NR6A1: variants seen among roughly 807,000 people sequenced by gnomAD.
NR6A1 encodes the protein nuclear receptor subfamily 6 group A member 1.
Under a neutral mutation model 59.1 loss-of-function variants are expected in NR6A1, and 7 were observed. The ratio of observed to expected loss-of-function variants is 0.12; its 90% CI spans 0.07 to 0.22. NR6A1 has a LOEUF of 0.22. Among genes scored for constraint, NR6A1 ranks in the 10% least tolerant of loss-of-function variants. NR6A1 has a pLI of 1.00. For synonymous variants in NR6A1, 243 were observed against 236.1 expected, an observed-to-expected ratio of 1.03 and a Z score of -0.27; for missense variants, 468 against 611.6, an observed-to-expected ratio of 0.77 and a Z score of 2.48.
At chr9:124,550,657 C>T (rs1337682934) in intron 3 of NR6A1, among the ~76,000 whole-genome samples, 1 of 151,904 alleles carries the variant, frequency 6.6e-6, no homozygotes, top group African/African-American at 2.4e-5. Context: ...TGTGCCCAGC[C>T]CTAATGGTGA....
chr9:124,688,436 C>T (rs1322431432), intron 2 of NR6A1, among the ~76,000 whole-genome samples: 1 of 152,134 alleles, frequency 6.6e-6, no homozygotes, highest in Non-Finnish European at 1.5e-5. Flanking sequence ...AAAGCGAAAA[C>T]GCATATAATG....
intron 2 of NR6A1, among the ~76,000 whole-genome samples, chr9:124,568,185 A>G (rs1195638804): frequency 2.0e-5 from 3 of 146,486 alleles, no homozygotes; most frequent in South Asian, 4.4e-4. Flanking sequence ...AAAAAAAAAA[A>G]AAAAAAAAAA....
intron 3 of NR6A1, among the ~76,000 whole-genome samples, chr9:124,547,760 C>T (rs927358628): frequency 3.3e-5 from 5 of 152,080 alleles, no homozygotes. Context: ...AAATACATGA[C>T]CTATTTGCTT....
chr9:124,546,187 G>A (rs1486330158), intron 3 of NR6A1, among the ~76,000 whole-genome samples: 1 of 152,192 alleles, frequency 6.6e-6, no homozygotes, highest in South Asian at 2.1e-4. Flanking sequence ...AATCTACTAT[G>A]TGTTACATAC....
At chr9:124,533,774 C>T (rs1412144843) in intron 7 of NR6A1, among the ~76,000 whole-genome samples, 1 of 152,054 alleles carries the variant, frequency 6.6e-6, no homozygotes. Flanking sequence ...TCTCAGCCTC[C>T]CAAGCAGCTG....
intron 2 of NR6A1, among the ~76,000 whole-genome samples, chr9:124,576,381 G>A (rs568754335): frequency 6.6e-4 from 101 of 152,196 alleles, no homozygotes; most frequent in African/African-American, 2.1e-3. Flanking sequence ...TCCACCTCCC[G>A]GGTTCAAGCG....
At chr9:124,731,042 TCTCAATGTC>T (rs1466422900) in intron 2 of NR6A1, among the ~76,000 whole-genome samples, 1 of 152,124 alleles carries the variant, frequency 6.6e-6, no homozygotes, top group Admixed American at 6.6e-5. Flanking sequence ...TTACAGGGCA[TCTCAATGTC>T]CTTCCTAGTG....
At chr9:124,751,512 A>G (rs975425689) in intron 1 of NR6A1, among the ~76,000 whole-genome samples, 3 of 152,200 alleles carry the variant, frequency 2.0e-5, no homozygotes, top group African/African-American at 7.2e-5. Context: ...CCTTACCCTG[A>G]GCTAAGCTCT....
intron 2 of NR6A1, among the ~76,000 whole-genome samples, chr9:124,627,532 T>C (rs1836281090): frequency 6.6e-6 from 1 of 152,186 alleles, no homozygotes. Context: ...TAGCAAAAGT[T>C]TGGATGTAAA....
chr9:124,691,917 T>G (rs772534807), intron 2 of NR6A1, among the ~76,000 whole-genome samples: 17 of 152,324 alleles, frequency 1.1e-4, no homozygotes, highest in Admixed American at 6.5e-4. Flanking sequence ...TCTGCAGTGA[T>G]GGGTCTACTC....
chr9:124,599,592 G>A (rs1273157658), intron 2 of NR6A1: 26 of 1,159,976 alleles, frequency 2.2e-5, no homozygotes, highest in Non-Finnish European at 2.9e-5. Context: ...AGGGCGCGGC[G>A]GCGGCGGCCG....
intron 2 of NR6A1, among the ~76,000 whole-genome samples, chr9:124,729,860 TGGAG>T: frequency 6.6e-6 from 1 of 151,812 alleles, no homozygotes; most frequent in Non-Finnish European, 1.5e-5. Flanking sequence ...TTGCCCAGGC[TGGAG>T]TGCAATGGCA....
intron 2 of NR6A1, among the ~76,000 whole-genome samples, chr9:124,702,209 G>C (rs1330158487): frequency 1.3e-5 from 2 of 152,302 alleles, no homozygotes; most frequent in African/African-American, 4.8e-5. Context: ...AGGTCACAAA[G>C]ATATGCTTGA....
intron 2 of NR6A1, among the ~76,000 whole-genome samples, chr9:124,580,091 A>T (rs1281422989): frequency 6.6e-6 from 1 of 152,224 alleles, no homozygotes; most frequent in Non-Finnish European, 1.5e-5. Flanking sequence ...ACACAGAAAA[A>T]TGAAAAATTA....
At chr9:124,706,042 C>T (rs1195452953) in intron 2 of NR6A1, among the ~76,000 whole-genome samples, 1 of 152,216 alleles carries the variant, frequency 6.6e-6, no homozygotes, top group African/African-American at 2.4e-5. Context: ...TCCCAAAGTG[C>T]CGGGATTACA....
intron 3 of NR6A1, among the ~76,000 whole-genome samples, chr9:124,549,555 T>A (rs1334610120): frequency 6.6e-6 from 1 of 152,202 alleles, no homozygotes; most frequent in Non-Finnish European, 1.5e-5. Context: ...GCTAAGGAGT[T>A]TTCTGACCAG....
chr9:124,610,028 T>G (rs1006768495), intron 2 of NR6A1, among the ~76,000 whole-genome samples: 1 of 151,948 alleles, frequency 6.6e-6, no homozygotes, highest in Non-Finnish European at 1.5e-5. Flanking sequence ...GGGTTTTTTA[T>G]AGGATCATGT....
chr9:124,631,197 A>G (rs1000444009), intron 2 of NR6A1, among the ~76,000 whole-genome samples: 1 of 152,230 alleles, frequency 6.6e-6, no homozygotes, highest in African/African-American at 2.4e-5. Context: ...TCCCATGACC[A>G]GCGAGAGGGA....
intron 2 of NR6A1, among the ~76,000 whole-genome samples, chr9:124,708,606 T>C (rs1286447422): frequency 6.6e-6 from 1 of 152,168 alleles, no homozygotes; most frequent in African/African-American, 2.4e-5. Context: ...ATGGAATCAT[T>C]TTCAGTTCCA....
Sources: allele counts gnomAD v4.1 joint callset (sites outside exome capture counted in the v4.1 genomes callset), GRCh38; gene constraint gnomAD v4.1.1; transcripts MANE v1.5; gene names NCBI Gene and HGNC (gene_info 2026-07-23, HGNC 2026-07-21).